Variants in DCUN1D1 observed in about 807,000 individuals in gnomAD.
DCUN1D1 encodes DCN1-like protein 1.
DCUN1D1 carries 3 observed loss-of-function variants against 39.0 expected under a neutral mutation model. The ratio of observed to expected loss-of-function variants is 0.08; its 90% CI spans 0.04 to 0.20. The LOEUF (loss-of-function observed/expected upper bound fraction) is 0.20. Among genes scored for constraint, DCUN1D1 ranks in the 10% least tolerant of loss-of-function variants. The pLI is 1.00. For synonymous variants in DCUN1D1, 82 were observed against 96.3 expected (o/e 0.85, Z 0.87); for missense variants, 158 against 302.4 (o/e 0.52, Z 3.54).
rs1406598131 is a variant in DCUN1D1, at chr3:182,944,419, G to C, written c.*675C>G. 1 of 152,338 alleles carries C rather than the reference G, an allele frequency of 6.6e-6. No individual in the cohort carries two copies. The highest frequency in any genetic ancestry group is 2.4e-5 in the African/African-American group (1 of 41,418). The allele number at this position is 152,338 out of a possible 1,614,324, so 9.4% of individuals were successfully genotyped here. ...AAGGTAAGCGCAGACTAGTTCTGTG[G>C]AACCTTTTGAAATCAAGAGTCTAAA... On this transcript the variant is annotated 3_prime_UTR_variant, in exon 7 of 7. Coordinates refer to ENST00000292782, the MANE Select transcript of DCUN1D1 (RefSeq NM_020640.4).
chr3:182,962,916 G>A (rs1042329830), intron 3 of DCUN1D1, among the ~76,000 whole-genome samples: 4 of 152,122 alleles, frequency 2.6e-5, no homozygotes, highest in Non-Finnish European at 5.9e-5. Flanking sequence ...AAGTAGCTGG[G>A]ATTACAGGCA....
At chr3:182,967,145 TA>T (rs1283655048) in intron 1 of DCUN1D1, among the ~76,000 whole-genome samples, 7 of 149,410 alleles carry the variant, frequency 4.7e-5, no homozygotes, top group South Asian at 2.1e-4. Context: ...TATATATATA[TA>T]TATATATATA....
At chr3:182,976,782 T>C (rs1167882131) in intron 1 of DCUN1D1, among the ~76,000 whole-genome samples, 1 of 152,222 alleles carries the variant, frequency 6.6e-6, no homozygotes, top group Non-Finnish European at 1.5e-5. Flanking sequence ...TCTTCTGTGA[T>C]ATATACATCC....
chr3:182,953,618 G>T (rs747625566), intron 4 of DCUN1D1, among the ~76,000 whole-genome samples: 39 of 152,220 alleles, frequency 2.6e-4, no homozygotes, highest in Non-Finnish European at 4.4e-4. Context: ...ACAGTACCTG[G>T]TAAATAACAT....
intron 1 of DCUN1D1, among the ~76,000 whole-genome samples, chr3:182,978,435 T>G (rs1455259345): frequency 6.6e-6 from 1 of 152,204 alleles, no homozygotes; most frequent in Non-Finnish European, 1.5e-5. Flanking sequence ...GCTGGAGTGG[T>G]GCAGTGGCAG....
At position 182,955,307 on chromosome 3, in the gene DCUN1D1, ACTTCTTCTGCAG is replaced by A. The variant is rs1311304521; in HGVS notation, c.520+5907_520+5918del. The A allele has an allele frequency of 5.5e-5, 30 of 544,526 alleles. 1 individual carries two copies. Among genetic ancestry groups the A allele is most frequent in the South Asian group, 3.2e-4 (23 of 71,226 alleles). The allele number at this position is 544,526 out of a possible 1,614,324, so 33.7% of individuals were successfully genotyped here. On this transcript the variant is annotated intron_variant, in intron 4 of 6. Transcript: ENST00000292782. ...AATCCAAATCATCATCACTTTCTTC[ACTTCTTCTGCAG>A]CTTCTTCTATGGTTGGAACTTAGAT... is the stretch of plus-strand genomic sequence containing the variant.
At chr3:182,951,698 T>C (rs1209221631) in intron 4 of DCUN1D1, among the ~76,000 whole-genome samples, 2 of 139,578 alleles carry the variant, frequency 1.4e-5, no homozygotes, top group Admixed American at 7.0e-5. Context: ...GATAATTTCT[T>C]TTTTTTTTTT....
rs1054184479 is a variant in DCUN1D1, at chr3:182,942,896, C to T, written c.*2198G>A. The T allele has an allele frequency of 4.1e-4, 62 of 152,076 alleles. No homozygotes were observed. The highest frequency in any genetic ancestry group is 1.4e-3 in the African/African-American group (58 of 41,322). The allele number at this position is 152,076 out of a possible 1,614,324, so 9.4% of individuals were successfully genotyped here. On this transcript the variant is annotated 3_prime_UTR_variant, in exon 7 of 7. Transcript: ENST00000292782. Reference sequence around the variant, plus strand: ...AAAAGTTTTGTTTAATTCTAAGATGCCATCATAGTGAACAACCTTAACTTT... The same window carrying T: ...AAAAGTTTTGTTTAATTCTAAGATGTCATCATAGTGAACAACCTTAACTTT...
chr3:182,978,579 C>A (rs1404668345), intron 1 of DCUN1D1, among the ~76,000 whole-genome samples: 1 of 152,082 alleles, frequency 6.6e-6, no homozygotes, highest in Non-Finnish European at 1.5e-5. Context: ...TACTATGTTG[C>A]GCAGGCTGGT....
intron 4 of DCUN1D1, among the ~76,000 whole-genome samples, chr3:182,959,589 A>G (rs574265842): frequency 6.2e-4 from 94 of 151,758 alleles, no homozygotes; most frequent in African/African-American, 2.2e-3. Context: ...CTCATCTTCA[A>G]ATTAAGGATA....
In DCUN1D1 at chr3:182,938,814, A is replaced by G. The variant is rs1270386233; in HGVS notation, c.*6280T>C. On this transcript the variant is annotated 3_prime_UTR_variant, in exon 7 of 7. Coordinates refer to ENST00000292782, the MANE Select transcript of DCUN1D1 (RefSeq NM_020640.4). ...TCTCTGGGAAACTTAATATTAAGAC[A>G]GTAACTATCTGCACACAGTAATCTG... 2 of 152,234 alleles carry G rather than the reference A, an allele frequency of 1.3e-5. No homozygotes were observed. Among genetic ancestry groups the G allele is most frequent in the African/African-American group, 2.4e-5 (1 of 41,464 alleles). 9.4% of individuals were successfully genotyped at this position (152,234 alleles called of 1,614,324 possible).
At chr3:182,983,497 CTTAAG>C (rs1182175816), upstream of DCUN1D1, among the ~76,000 whole-genome samples, 1 of 152,176 alleles carries the variant, frequency 6.6e-6, no homozygotes, top group East Asian at 1.9e-4. Flanking sequence ...GGGCAGATAA[CTTAAG>C]TTCAGGAGTT....
intron 1 of DCUN1D1, among the ~76,000 whole-genome samples, chr3:182,971,225 G>C (rs1322251294): frequency 6.6e-6 from 1 of 152,124 alleles, no homozygotes; most frequent in Non-Finnish European, 1.5e-5. Context: ...TAAACTCTTA[G>C]AACTGTAACT....
In DCUN1D1 at chr3:182,974,617, T is replaced by C. The variant is rs182143329; in HGVS notation, c.3+5870A>G. 2.2e-3 allele frequency among the ~76,000 whole-genome samples: 329 copies of C among 152,236 alleles called. 1 individual carries two copies. The highest frequency in any genetic ancestry group is 3.8e-3 in the Non-Finnish European group (258 of 68,006). Reference sequence around the variant, plus strand: ...AATCTAATTCTAATATTTGATATTTTCTCAAATCCTAAATCAGGAAGTATT... The same window carrying C: ...AATCTAATTCTAATATTTGATATTTCCTCAAATCCTAAATCAGGAAGTATT... On this transcript the variant is annotated intron_variant, in intron 1 of 6. Coordinates refer to ENST00000292782, the MANE Select transcript of DCUN1D1 (RefSeq NM_020640.4).
chr3:182,952,131 G>A (rs948499067), intron 4 of DCUN1D1, among the ~76,000 whole-genome samples: 2 of 152,104 alleles, frequency 1.3e-5, no homozygotes, highest in African/African-American at 4.8e-5. Flanking sequence ...CAGACCCTCT[G>A]GTTACTAAAT....
chr3:182,980,165 C>G (rs1728464443), intron 1 of DCUN1D1: 2 of 634,762 alleles, frequency 3.2e-6, no homozygotes, highest in South Asian at 1.4e-4. Flanking sequence ...CTCCCCCCGC[C>G]CCAACGCCTC....
Position 182,943,164 on chromosome 3 carries a change from G to A in DCUN1D1, c.*1930C>T. The A allele has an allele frequency of 1.9e-5, 2 of 104,116 alleles. No homozygotes were observed. The highest frequency in any genetic ancestry group is 1.1e-4 in the Admixed American group (1 of 9,112). 6.4% of individuals were successfully genotyped at this position (104,116 alleles called of 1,614,324 possible). On this transcript the variant is annotated 3_prime_UTR_variant, in exon 7 of 7. Coordinates refer to ENST00000292782, the MANE Select transcript of DCUN1D1 (RefSeq NM_020640.4). The stretch of plus-strand genomic sequence containing the variant: ...TAATGGGATCTCATTTCAAAACACA[G>A]CATATGTGAATTAATCAATCTGAAA...
chr3:182,975,120 C>G (rs1728153034), intron 1 of DCUN1D1, among the ~76,000 whole-genome samples: 1 of 151,968 alleles, frequency 6.6e-6, no homozygotes, highest in Non-Finnish European at 1.5e-5. Context: ...TCAAAGCAGC[C>G]ACTTGACCCA....
At chr3:182,947,687 A>C in intron 4 of DCUN1D1, 55 bp from the exon 5 acceptor site, 1 of 1,053,696 alleles carries the variant, frequency 9.5e-7, no homozygotes, top group South Asian at 1.4e-5. Flanking sequence ...TTGTCCCTGC[A>C]AAAATAACAA....
Sources: gnomAD v4.1 joint callset for allele counts (sites outside exome capture counted in the v4.1 genomes callset) on GRCh38, gnomAD v4.1.1 for gene constraint, MANE v1.5 for transcripts, NCBI Gene and HGNC (gene_info 2026-07-23, HGNC 2026-07-21) for gene names.